The following ASAH2 variants were observed in gnomAD, a reference collection of about 807,000 sequenced individuals.
The protein encoded by ASAH2 is N-acylsphingosine amidohydrolase 2.
Under a neutral mutation model 82.9 loss-of-function variants are expected in ASAH2, and 58 were observed. The ratio of observed to expected loss-of-function variants is 0.70; its 90% confidence interval spans 0.57 to 0.87. The LOEUF (loss-of-function observed/expected upper bound fraction) is 0.87, where lower values mean the gene tolerates loss of function less well. Ranked by LOEUF, ASAH2 falls within the 40% of genes least tolerant of loss-of-function variation. The pLI is 0.00. For synonymous variants in ASAH2, 276 were observed against 289.7 expected (o/e 0.95, Z 0.48); for missense variants, 779 against 834.0 (o/e 0.93, Z 0.81).
In ASAH2 at chr10:50,248,647, C is replaced by T. The variant is rs1221809166; in HGVS notation, c.-36-1G>A. 2 of 1,595,360 alleles carry T rather than the reference C, an allele frequency of 1.3e-6. No homozygotes were observed. The highest frequency in any genetic ancestry group is 1.7e-6 in the Non-Finnish European group (2 of 1,170,244). ...TACAGCAGAGATGGAAGAAGAAATA[C>T]TGAAGAGGAAGAAATCACAAATTAA... On this transcript the variant is annotated splice_acceptor_variant, in intron 1 of 20. Transcript: ENST00000682911. LOFTEE classifies it low-confidence loss of function (5UTR_SPLICE).
rs1409568445 is a variant in ASAH2 at position 50,214,882 on chromosome 10, T to C, written c.1015-14A>G. 6.2e-7 allele frequency: 1 copy of C among 1,613,084 alleles called. No homozygotes were observed. The highest frequency in any genetic ancestry group is 8.5e-7 in the Non-Finnish European group (1 of 1,179,466). Reference sequence around the variant, plus strand: ...TACAAATGGCCCCTGCCAAAAGAAATGCCAAGTTGCCTTTTATTCTTTCCT... The same window carrying C: ...TACAAATGGCCCCTGCCAAAAGAAACGCCAAGTTGCCTTTTATTCTTTCCT... On this transcript the variant is annotated splice_polypyrimidine_tract_variant and intron_variant, in intron 8 of 20. Transcript: ENST00000682911.
chr10:50,220,052 T>C (rs1027779327), intron 7 of ASAH2, among the ~76,000 whole-genome samples: 1 of 152,220 alleles, frequency 6.6e-6, no homozygotes, highest in Non-Finnish European at 1.5e-5. Context: ...GGAACTGCTA[T>C]ACATTAAGAG....
At chr10:50,219,278 A>G (rs1482963482) in intron 7 of ASAH2, among the ~76,000 whole-genome samples, 2 of 152,232 alleles carry the variant, frequency 1.3e-5, no homozygotes, top group African/African-American at 4.8e-5. Context: ...GTGTAAAGTT[A>G]TACAGTTTAC....
At chr10:50,243,395 T>G (rs1253774305) in intron 3 of ASAH2, 44 bp from the exon 4 acceptor site, 6 of 1,591,372 alleles carry the variant, frequency 3.8e-6, no homozygotes, top group Non-Finnish European at 5.1e-6. Flanking sequence ...CTCATTCCCC[T>G]GCTACTAGAA....
At chr10:50,240,135 A>G (rs1407470119) in intron 4 of ASAH2, among the ~76,000 whole-genome samples, 6 of 152,084 alleles carry the variant, frequency 3.9e-5, no homozygotes, top group African/African-American at 1.2e-4. Context: ...GCTGACTCAC[A>G]TTTAATTTCC....
intron 4 of ASAH2, among the ~76,000 whole-genome samples, chr10:50,236,910 A>G (rs1034757929): frequency 1.3e-3 from 196 of 152,278 alleles, no homozygotes; most frequent in Admixed American, 4.5e-3. Flanking sequence ...TGTCTTGAAG[A>G]TATTTTTTTT....
chr10:50,217,937 C>G (rs1439729381), intron 8 of ASAH2, among the ~76,000 whole-genome samples: 7 of 152,006 alleles, frequency 4.6e-5, no homozygotes, highest in African/African-American at 1.7e-4. Context: ...CCAGCCTGAC[C>G]AACATGGCGA....
chr10:50,209,236 C>T lies in ASAH2; in HGVS notation c.1414+1587G>A, dbSNP rs1000948107. ...ATGACATTGAATCTGGAAAAAGATT[C>T]CTATATATGACACAAAACCATGAGT... On this transcript the variant is annotated intron_variant, in intron 12 of 20. Coordinates refer to ENST00000682911, the MANE Select transcript of ASAH2 (RefSeq NM_019893.4). 6.3e-3 allele frequency among the ~76,000 whole-genome samples: 958 copies of T among 151,998 alleles called. 13 individuals are homozygous for T. The highest frequency in any genetic ancestry group is 0.021 in the African/African-American group (872 of 41,436).
At chr10:50,247,505 T>C (rs1463538819) in intron 2 of ASAH2, among the ~76,000 whole-genome samples, 1 of 152,004 alleles carries the variant, frequency 6.6e-6, no homozygotes, top group African/African-American at 2.4e-5. Flanking sequence ...CTTCTATCAG[T>C]CTATGACCCT....
In ASAH2 at chr10:50,204,916, C is replaced by A. The variant is rs1845254586; in HGVS notation, c.1570G>T (p.Val524Phe). 2 of 1,611,450 alleles carry A rather than the reference C, an allele frequency of 1.2e-6. No homozygotes were observed. Among genetic ancestry groups the A allele is most frequent in the African/African-American group, 2.7e-5 (2 of 74,782 alleles). ...PHPWHPDIVD[V>F]QIITLGSLAI... Reference sequence around the variant, plus strand: ...AAGGACCCAAGGGTAATAATCTGAACATCAACAATGTCTGGATGCCAGGGG... The same window carrying A: ...AAGGACCCAAGGGTAATAATCTGAAAATCAACAATGTCTGGATGCCAGGGG... The change falls in exon 14 of 21, where the codon GTT (valine) becomes TTT (phenylalanine). Residue 524 changes from valine (V) to phenylalanine (F), a missense_variant. By Grantham distance (50) the Val-to-Phe change is conservative. Around this residue, in one of 3 missense-constraint regions of ASAH2, gnomAD observed 759 missense variants for 755.2 expected, o/e 1.00. Transcript: ENST00000682911.
chr10:50,200,368 C>T (rs1479216548), intron 16 of ASAH2, among the ~76,000 whole-genome samples: 30 of 151,072 alleles, frequency 2.0e-4, no homozygotes, highest in Admixed American at 1.1e-3. Flanking sequence ...TACCATCACC[C>T]TCCGCATACT....
intron 7 of ASAH2, among the ~76,000 whole-genome samples, chr10:50,221,797 C>T (rs963537406): frequency 6.6e-6 from 1 of 152,154 alleles, no homozygotes; most frequent in Non-Finnish European, 1.5e-5. Context: ...CCCTTCTCTT[C>T]ATTCACTTGC....
chr10:50,201,614 C>T (rs1309668844), intron 16 of ASAH2, among the ~76,000 whole-genome samples: 1 of 152,088 alleles, frequency 6.6e-6, no homozygotes, highest in Non-Finnish European at 1.5e-5. Flanking sequence ...AGGAGACAAG[C>T]TAGTAGGGGT....
At chr10:50,224,513 C>T (rs1225395024) in intron 7 of ASAH2, among the ~76,000 whole-genome samples, 1 of 152,080 alleles carries the variant, frequency 6.6e-6, no homozygotes, top group African/African-American at 2.4e-5. Flanking sequence ...GTGAGGATAG[C>T]CTGCCCTCTT....
chr10:50,207,352 T>A (rs997650193), intron 12 of ASAH2, among the ~76,000 whole-genome samples: 11 of 151,112 alleles, frequency 7.3e-5, no homozygotes, highest in Non-Finnish European at 1.2e-4. Flanking sequence ...AAACAGTGAG[T>A]AGAAAGAAAA....
rs201529348 is a variant in ASAH2 at position 50,210,844 on chromosome 10, C to T, written c.1393G>A (p.Gly465Arg). Residue 465 changes from glycine (G) to arginine (R), a missense_variant, in exon 12 of 21, where the codon GGA (glycine) becomes AGA (arginine). Transcript: ENST00000682911. ...SFAAGTIDGV[G>R]GLNFTQGKTE... ...TTACCCTGTGTAAAATTGAGGCCTC[C>T]AACTCCATCAATAGTGCCAGCTGCA... is the stretch of plus-strand genomic sequence containing the variant. 5.2e-4 allele frequency: 838 copies of T among 1,613,300 alleles called. 9 individuals carry two copies. In the South Asian group the frequency reaches 7.5e-3, roughly 14 times the overall value.
At chr10:50,205,957 C>T in intron 13 of ASAH2, 25 bp downstream of exon 13, 1 of 1,533,766 alleles carries the variant, frequency 6.5e-7, no homozygotes, top group Non-Finnish European at 9.0e-7. Flanking sequence ...ATGCTAATTT[C>T]ACTATGATAA....
At chr10:50,241,314 A>C (rs951613203) in intron 4 of ASAH2, among the ~76,000 whole-genome samples, 1 of 152,238 alleles carries the variant, frequency 6.6e-6, no homozygotes, top group Non-Finnish European at 1.5e-5. Context: ...CCTACTCAGT[A>C]ATAGACAATT....
chr10:50,203,849 C>A (rs911370585), intron 14 of ASAH2, among the ~76,000 whole-genome samples, 170 bp from the exon 15 acceptor site: 2 of 151,824 alleles, frequency 1.3e-5, no homozygotes, highest in Non-Finnish European at 2.9e-5. Context: ...TTCTGCCTGT[C>A]CTAGCTTCAA....
Sources: gnomAD v4.1 joint callset for allele counts (sites outside exome capture counted in the v4.1 genomes callset) on GRCh38, gnomAD v4.1.1 for gene constraint, gnomAD v4.1.1 regional missense constraint, MANE v1.5 for transcripts, NCBI Gene and HGNC (gene_info 2026-07-23, HGNC 2026-07-21) for gene names.